The following KCNAB1 variants were observed in gnomAD, a reference collection of about 807,000 sequenced individuals.
KCNAB1 encodes voltage-gated potassium channel subunit beta-1.
KCNAB1 carries 35 observed loss-of-function variants against 64.6 expected under a neutral mutation model. That is an observed-to-expected ratio of 0.54 (90% CI 0.41 to 0.72). KCNAB1 has a LOEUF of 0.72. Among genes scored for constraint, KCNAB1 ranks in the 30% least tolerant of loss-of-function variants. The pLI is 0.00. For missense variants in KCNAB1, 401 were observed against 512.9 expected, an observed-to-expected ratio of 0.78 and a Z score of 2.11; for synonymous variants, 177 against 183.8, an observed-to-expected ratio of 0.96 and a Z score of 0.30.
In KCNAB1 at chr3:156,463,720, A is replaced by G; in HGVS notation, c.501A>G (p.Ile167Met). The G allele has an allele frequency of 6.2e-7, 1 of 1,605,774 alleles. No individual in the cohort carries two copies. The change falls in exon 6 of 14, where the codon ATA becomes ATG. Residue 167 changes from isoleucine to methionine, a missense_variant. Coordinates refer to ENST00000490337, the MANE Select transcript of KCNAB1 (RefSeq NM_172160.3). ...TATACAGGAGGTCCAGTCTGGTCAT[A>G]ACAACCAAACTCTACTGGGGTGGAA... is the stretch of plus-strand genomic sequence containing the variant. ...KKGWRRSSLVITTKLYWGGKA... is the reference protein window; with the variant it reads ...KKGWRRSSLVMTTKLYWGGKA...
chr3:156,509,097 AAG>A (rs543658891), intron 8 of KCNAB1, among the ~76,000 whole-genome samples: 9 of 151,336 alleles, frequency 5.9e-5, no homozygotes, highest in Non-Finnish European at 1.0e-4. Context: ...GAGGGAGAGG[AAG>A]AGAGAGAGAG....
chr3:156,529,030 G>A (rs1328387012), intron 12 of KCNAB1, among the ~76,000 whole-genome samples: 2 of 152,166 alleles, frequency 1.3e-5, no homozygotes, highest in Non-Finnish European at 2.9e-5. Context: ...GAGAGATGGT[G>A]AGGGCCTGAG....
intron 1 of KCNAB1, among the ~76,000 whole-genome samples, chr3:156,179,755 A>G (rs1370041494): frequency 1.3e-5 from 2 of 152,220 alleles, no homozygotes; most frequent in African/African-American, 4.8e-5. Context: ...GTTTTCACTC[A>G]GGAAAAGATT....
chr3:156,127,931 G>A (rs935490775), intron 1 of KCNAB1, among the ~76,000 whole-genome samples: 24 of 141,048 alleles, frequency 1.7e-4, no homozygotes, highest in African/African-American at 5.3e-4. Flanking sequence ...ACGTGCGTGC[G>A]CACCTGGTTT....
intron 1 of KCNAB1, among the ~76,000 whole-genome samples, chr3:156,328,567 A>G (rs1291428700): frequency 6.6e-6 from 1 of 152,170 alleles, no homozygotes; most frequent in Non-Finnish European, 1.5e-5. Context: ...ATTGTATTAA[A>G]TACTACTAAT....
At chr3:156,232,808 A>C (rs1716612483) in intron 1 of KCNAB1, among the ~76,000 whole-genome samples, 1 of 152,230 alleles carries the variant, frequency 6.6e-6, no homozygotes, top group African/African-American at 2.4e-5. Context: ...GAAATACTAA[A>C]ATGCCTTAGT....
intron 1 of KCNAB1, among the ~76,000 whole-genome samples, chr3:156,292,463 T>C (rs1292127521): frequency 1.3e-5 from 2 of 152,244 alleles, no homozygotes; most frequent in Non-Finnish European, 2.9e-5. Flanking sequence ...TTGTTCTATT[T>C]TATGATAAAG....
At chr3:156,196,408 C>T (rs1023399906) in intron 1 of KCNAB1, among the ~76,000 whole-genome samples, 1 of 152,056 alleles carries the variant, frequency 6.6e-6, no homozygotes, top group Admixed American at 6.5e-5. Context: ...GCAGTTTGGC[C>T]GTTTTCATGA....
rs1231963941 is a variant in KCNAB1, at chr3:156,452,456, A to C, written c.320-443A>C. ...AAGAGGGTTTCTTTTGAAAAGTAATAATGAATAAAAAATACAGCCACTATT... is the reference window on the plus strand; with the variant it reads ...AAGAGGGTTTCTTTTGAAAAGTAATCATGAATAAAAAATACAGCCACTATT... On this transcript the variant is annotated intron_variant, in intron 2 of 13. Coordinates refer to ENST00000490337, the MANE Select transcript of KCNAB1 (RefSeq NM_172160.3). This position sits in a 1 kb window ranked among gnomAD's most constrained non-coding sequence, Gnocchi z 4.6. Among the ~76,000 whole-genome samples the C allele has an allele frequency of 6.6e-6, 1 of 152,234 alleles. No individual in the cohort carries two copies. Among genetic ancestry groups the C allele is most frequent in the Non-Finnish European group, 1.5e-5 (1 of 68,034 alleles).
intron 1 of KCNAB1, among the ~76,000 whole-genome samples, chr3:156,328,666 G>A (rs531798691): frequency 2.0e-5 from 3 of 152,256 alleles, no homozygotes; most frequent in Admixed American, 1.3e-4. Context: ...CTTGTAGGCC[G>A]GGTACAAATT....
chr3:156,237,010 G>A (rs182334126), intron 1 of KCNAB1, among the ~76,000 whole-genome samples: 305 of 152,242 alleles, frequency 2.0e-3, no homozygotes, highest in African/African-American at 6.8e-3. Flanking sequence ...GAGTGTAGGC[G>A]ATGAACTGGG....
At chr3:156,435,862 A>AT (rs1484856469) in intron 2 of KCNAB1, among the ~76,000 whole-genome samples, 2 of 152,068 alleles carry the variant, frequency 1.3e-5, no homozygotes, top group East Asian at 3.9e-4. Context: ...ATCTTGTTGT[A>AT]TTTTTACCCC....
intron 8 of KCNAB1, among the ~76,000 whole-genome samples, chr3:156,503,771 T>C (rs1716625104): frequency 6.6e-6 from 1 of 152,220 alleles, no homozygotes; most frequent in African/African-American, 2.4e-5. Flanking sequence ...TATTATTATT[T>C]TTAGTTGACA....
intron 1 of KCNAB1, among the ~76,000 whole-genome samples, chr3:156,212,557 A>C (rs1189568121): frequency 6.6e-6 from 1 of 152,196 alleles, no homozygotes; most frequent in East Asian, 1.9e-4. Flanking sequence ...GGGGATGCGA[A>C]GGGAGACAAG....
chr3:156,454,213 G>A (rs1247678226), intron 3 of KCNAB1, among the ~76,000 whole-genome samples: 1 of 152,200 alleles, frequency 6.6e-6, no homozygotes, highest in Non-Finnish European at 1.5e-5. Flanking sequence ...ATTAGGAAGT[G>A]TTCTCAGGAT....
intron 8 of KCNAB1, among the ~76,000 whole-genome samples, chr3:156,513,572 T>C (rs35187759): frequency 0.43 from 64,823 of 152,140 alleles, 14,409 homozygotes; most frequent in African/African-American, 0.55. Flanking sequence ...AGGGTCTCCA[T>C]GCTCTCTTGT....
chr3:156,514,469 T>A lies in KCNAB1; in HGVS notation c.744+20T>A. ...ATCATGGTAATTTAACTTCTATTTT[T>A]AAATGGCTATTGAGTACCTTATTAT... On this transcript the variant is annotated intron_variant, in intron 9 of 13. Coordinates refer to ENST00000490337, the MANE Select transcript of KCNAB1 (RefSeq NM_172160.3). The A allele has an allele frequency of 6.4e-7, 1 of 1,561,136 alleles. No individual in the cohort carries two copies.
intron 1 of KCNAB1, among the ~76,000 whole-genome samples, chr3:156,415,908 C>T (rs192683329): frequency 3.9e-5 from 6 of 152,150 alleles, no homozygotes; most frequent in African/African-American, 1.2e-4. Context: ...TCAGTCCCCA[C>T]GAGATTGCCC....
chr3:156,329,431 T>C (rs927000563), intron 1 of KCNAB1, among the ~76,000 whole-genome samples: 1 of 152,126 alleles, frequency 6.6e-6, no homozygotes, highest in Non-Finnish European at 1.5e-5. Flanking sequence ...TGAACTCTTC[T>C]ACATTTAGAG....
Sources: allele counts gnomAD v4.1 joint callset (sites outside exome capture counted in the v4.1 genomes callset), GRCh38; gene constraint gnomAD v4.1.1; non-coding constraint Gnocchi (gnomAD v3.1); transcripts MANE v1.5; gene names NCBI Gene and HGNC (gene_info 2026-07-23, HGNC 2026-07-21).